Variants in FBXO3 observed in about 807,000 individuals in gnomAD.
The protein encoded by FBXO3 is F-box protein 3.
A neutral mutation model predicts 64.8 loss-of-function variants in FBXO3; 17 were observed. That is an observed-to-expected ratio of 0.26 (90% CI 0.18 to 0.39). The LOEUF (loss-of-function observed/expected upper bound fraction) is 0.39, where lower values mean the gene tolerates loss of function less well. Among genes scored for constraint, FBXO3 ranks in the 10% least tolerant of loss-of-function variants. FBXO3 has a pLI of 1.00. For synonymous variants in FBXO3, 182 were observed against 201.6 expected, an observed-to-expected ratio of 0.90 and a Z score of 0.82; for missense variants, 420 against 589.9, an observed-to-expected ratio of 0.71 and a Z score of 2.98.
chr11:33,770,626 A>G lies in FBXO3; in HGVS notation c.194+115T>C, dbSNP rs1412387066. 8.4e-6 allele frequency: 6 copies of G among 717,384 alleles called. No individual in the cohort carries two copies. The East Asian group carries it at 1.3e-4, about 15-fold the overall frequency. 44.4% of individuals were successfully genotyped at this position (717,384 alleles called of 1,614,324 possible). A position where few individuals can be genotyped will look rare whatever the true frequency, so the allele number is the denominator to read the frequency against. Reference sequence around the variant, plus strand: ...CCAACATTTACTAGCAGGCACGAGAAGAGCCACCAAAGGAGATAAAGAGAC... The same window carrying G: ...CCAACATTTACTAGCAGGCACGAGAGGAGCCACCAAAGGAGATAAAGAGAC... On this transcript the variant is annotated intron_variant, in intron 2 of 10. Coordinates refer to ENST00000265651, the MANE Select transcript of FBXO3 (RefSeq NM_012175.4).
intron 1 of FBXO3, chr11:33,773,603 G>A (rs1024126493): frequency 1.3e-5 from 2 of 152,276 alleles, no homozygotes; most frequent in African/African-American, 4.8e-5. Context: ...ACAGCTGGGG[G>A]GCGGGCTGGC....
At chr11:33,761,252 T>G (rs891398155) in intron 3 of FBXO3, among the ~76,000 whole-genome samples, 1 of 151,996 alleles carries the variant, frequency 6.6e-6, no homozygotes, top group Non-Finnish European at 1.5e-5. Flanking sequence ...ATAGCTCAAC[T>G]CAAACACATT....
Position 33,774,513 on chromosome 11 carries a change from G to A in FBXO3, c.-16C>T, listed in dbSNP as rs776743334. 4.0e-6 allele frequency: 6 copies of A among 1,499,030 alleles called. No homozygotes were observed. 92.9% of individuals were successfully genotyped at this position (1,499,030 alleles called of 1,614,324 possible). On this transcript the variant is annotated 5_prime_UTR_variant, in exon 1 of 11. Coordinates refer to ENST00000265651, the MANE Select transcript of FBXO3 (RefSeq NM_012175.4). ...TGGCCGCCATCTTGCCTGGCCCGGT[G>A]CAGGTCTGGCCCCGCCCTGGCCCCG...
rs1003078367 is a variant in FBXO3, at chr11:33,751,410, A to G, written c.809+113T>C. On this transcript the variant is annotated intron_variant, in intron 7 of 10. Transcript: ENST00000265651. ...AGACAATCTTCTATTATCAACCTCA[A>G]TAGAGAGGTTCTATTATCAACCTTC... 37 of 684,320 alleles carry G rather than the reference A, an allele frequency of 5.4e-5. No homozygotes were observed. The African/African-American group carries it at 5.6e-4, about 10-fold the overall frequency. 42.4% of individuals were successfully genotyped at this position (684,320 alleles called of 1,614,324 possible). A position where few individuals can be genotyped will look rare whatever the true frequency, so the allele number is the denominator to read the frequency against.
chr11:33,766,988 C>CAAAAAAAAAAAA (rs67370716), intron 3 of FBXO3, among the ~76,000 whole-genome samples: 1 of 55,158 alleles, frequency 1.8e-5, no homozygotes, highest in Non-Finnish European at 3.7e-5. Context: ...ATTCATGCAC[C>CAAAAAAAAAAAA]AAAAAAAAAA....
chr11:33,746,438 T>C, intron 10 of FBXO3: 1 of 469,256 alleles, frequency 2.1e-6, no homozygotes, highest in Non-Finnish European at 3.8e-6. Context: ...TGGATCAGAT[T>C]AATATCATGT....
At chr11:33,757,875 G>C (rs950984920) in intron 4 of FBXO3, among the ~76,000 whole-genome samples, 2 of 151,016 alleles carry the variant, frequency 1.3e-5, no homozygotes, top group African/African-American at 4.9e-5. Context: ...AGGATTGCTT[G>C]AGCCAGGGGA....
At position 33,755,014 on chromosome 11, in the gene FBXO3, C is replaced by T. The variant is rs971077548; in HGVS notation, c.679-514G>A. 6.6e-5 allele frequency among the ~76,000 whole-genome samples: 10 copies of T among 151,896 alleles called. 1 individual carries two copies. The Middle Eastern group carries it at 0.014, about 207-fold the overall frequency. On this transcript the variant is annotated intron_variant, in intron 5 of 10. Transcript: ENST00000265651. ...CCCAAGTAGCTGGGACTAAGGCATGCGCCACCACACCTGGCTAGTTTTTGT... is the reference window on the plus strand; with the variant it reads ...CCCAAGTAGCTGGGACTAAGGCATGTGCCACCACACCTGGCTAGTTTTTGT...
intron 4 of FBXO3, among the ~76,000 whole-genome samples, chr11:33,757,466 TAATAAA>T (rs990822272): frequency 9.6e-5 from 9 of 93,582 alleles, no homozygotes; most frequent in African/African-American, 3.9e-4. Flanking sequence ...ATAATAATAA[TAATAAA>T]AAAATAAAAA....
At chr11:33,757,981 TA>T (rs1205513463) in intron 4 of FBXO3, among the ~76,000 whole-genome samples, 5 of 150,876 alleles carry the variant, frequency 3.3e-5, no homozygotes, top group Non-Finnish European at 5.9e-5. Flanking sequence ...AGTTCCACAA[TA>T]AATACTTCAT....
intron 3 of FBXO3, among the ~76,000 whole-genome samples, chr11:33,765,042 C>T (rs1165962549): frequency 2.0e-5 from 3 of 152,072 alleles, no homozygotes; most frequent in Non-Finnish European, 4.4e-5. Flanking sequence ...TCAGAGTACA[C>T]CAAGGAGACA....
intron 3 of FBXO3, among the ~76,000 whole-genome samples, chr11:33,761,183 G>T (rs1344632853): frequency 1.3e-5 from 2 of 152,028 alleles, no homozygotes; most frequent in African/African-American, 4.8e-5. Context: ...ACATAATTAA[G>T]AAGATTACAG....
chr11:33,765,022 C>T (rs759342464), intron 3 of FBXO3, among the ~76,000 whole-genome samples: 1 of 152,070 alleles, frequency 6.6e-6, no homozygotes, highest in Admixed American at 6.5e-5. Context: ...GACAAAGAAA[C>T]TGCCACAGAT....
intron 9 of FBXO3, 82 bp downstream of exon 9, chr11:33,748,695 A>G (rs1363773634): frequency 2.5e-5 from 20 of 815,752 alleles, no homozygotes; most frequent in East Asian, 5.0e-5. Flanking sequence ...ACCTTTATAC[A>G]TTTATATGTT....
At chr11:33,764,518 T>G (rs190442684) in intron 3 of FBXO3, among the ~76,000 whole-genome samples, 1 of 152,082 alleles carries the variant, frequency 6.6e-6, no homozygotes, top group Admixed American at 6.5e-5. Context: ...GGATATAATG[T>G]GAGGAGAAGG....
chr11:33,774,263 G>C (rs972016480), intron 1 of FBXO3, 131 bp downstream of exon 1: 4 of 770,924 alleles, frequency 5.2e-6, no homozygotes, highest in African/African-American at 1.8e-5. Context: ...CGCAGGATGA[G>C]GGCGGCCCTG....
chr11:33,745,044 C>G (rs1469552294), intron 10 of FBXO3: 1 of 152,076 alleles, frequency 6.6e-6, no homozygotes, highest in Non-Finnish European at 1.5e-5. Flanking sequence ...AACTCAACTG[C>G]CTGCCAAAAC....
At position 33,768,996 on chromosome 11, in the gene FBXO3, C is replaced by T. The variant is rs1437414682; in HGVS notation, c.213G>A (p.Lys71=). The change falls in exon 3 of 11, where the codon AAG becomes AAA. Residue 71 remains lysine (K), a synonymous_variant. Coordinates refer to ENST00000265651, the MANE Select transcript of FBXO3 (RefSeq NM_012175.4). ...WLISEEEKTQ[K]NQCWKSLFID... ...TGAAGAGAGATTTCCAACACTGATT[C>T]TTCTGTGTTTTCTCTTCCCTAAATA... is the stretch of plus-strand genomic sequence containing the variant. The T allele has an allele frequency of 3.7e-6, 6 of 1,610,820 alleles. No homozygotes were observed.
chr11:33,750,546 G>A lies in FBXO3; in HGVS notation c.925C>T (p.Arg309Ter). The A allele has an allele frequency of 6.2e-7, 1 of 1,613,544 alleles. No homozygotes were observed. Among genetic ancestry groups the A allele is most frequent in the South Asian group, 1.1e-5 (1 of 91,004 alleles). Reference protein sequence around the residue: ...VHPPHYFFTYRIRIEMSKDAL... With the variant: ...VHPPHYFFTY ...CCCATTTAAAATTCTCACCTGATTC[G>A]GTATGTGAAGAAATAGTGGGGTGGA... is the stretch of plus-strand genomic sequence containing the variant. Residue 309 changes from arginine to a stop codon, truncating the protein, a stop_gained, in exon 8 of 11, where the codon CGA becomes TGA. Coordinates refer to ENST00000265651, the MANE Select transcript of FBXO3 (RefSeq NM_012175.4). LOFTEE classifies it high-confidence loss of function.
Sources: gnomAD v4.1 joint callset for allele counts (sites outside exome capture counted in the v4.1 genomes callset) on GRCh38, gnomAD v4.1.1 for gene constraint, MANE v1.5 for transcripts, NCBI Gene and HGNC (gene_info 2026-07-23, HGNC 2026-07-21) for gene names.